Variants in PLCL2 observed in about 807,000 individuals in gnomAD.
PLCL2 encodes inactive phospholipase C-like protein 2.
PLCL2 carries 4 observed loss-of-function variants against 79.6 expected under a neutral mutation model. That is an observed-to-expected ratio of 0.05 (90% CI 0.02 to 0.11). The LOEUF is 0.11. PLCL2 is among the 10% of genes least tolerant of loss of function. The pLI is 1.00. For missense variants in PLCL2, 895 were observed against 1,291.0 expected, an observed-to-expected ratio of 0.69 and a Z score of 4.70; for synonymous variants, 484 against 457.7, an observed-to-expected ratio of 1.06 and a Z score of -0.73.
chr3:17,065,781 CTT>C (rs1233676017), intron 4 of PLCL2, among the ~76,000 whole-genome samples: 4 of 152,178 alleles, frequency 2.6e-5, no homozygotes, highest in Non-Finnish European at 5.9e-5. Context: ...CTCCCAGTTT[CTT>C]TTCCTGTTCA....
In PLCL2 at chr3:16,992,475, C is replaced by G. The variant is rs1182852497; in HGVS notation, c.328-17199C>G. ...AATAACCCCCATTTGCATCTCTTCC[C>G]CATTTGTGGGCTATACAGGCATTGT... is the stretch of plus-strand genomic sequence containing the variant. On this transcript the variant is annotated intron_variant, in intron 1 of 5. Transcript: ENST00000615277. Among the ~76,000 whole-genome samples, 7 of 152,220 alleles carry G rather than the reference C, an allele frequency of 4.6e-5. No homozygotes were observed. The East Asian group carries it at 1.3e-3, about 29-fold the overall frequency.
At chr3:17,037,548 C>T (rs1397514298) in intron 3 of PLCL2, among the ~76,000 whole-genome samples, 1 of 152,098 alleles carries the variant, frequency 6.6e-6, no homozygotes, top group Non-Finnish European at 1.5e-5. Flanking sequence ...GAAACAGCTA[C>T]AACAGAAGAT....
chr3:17,089,649 A>G (rs1164307457), intron 5 of PLCL2, 84 bp from the exon 6 acceptor site: 6 of 818,230 alleles, frequency 7.3e-6, no homozygotes, highest in Admixed American at 2.4e-5. Context: ...GAATACTTCT[A>G]TTTCAGTGAA....
rs558431722 is a variant in PLCL2, at chr3:16,913,779, A to G, written c.327+28413A>G. Among the ~76,000 whole-genome samples the G allele has an allele frequency of 1.6e-4, 25 of 152,290 alleles. 1 individual carries two copies. The South Asian group carries it at 5.2e-3, about 32-fold the overall frequency. On this transcript the variant is annotated intron_variant, in intron 1 of 5. Coordinates refer to ENST00000615277, the MANE Select transcript of PLCL2 (RefSeq NM_001144382.2). ...GTATTGCTAAAAAGATCTTCATAATAATTTTGAATAGAACACTGGGGGTGC... is the reference window on the plus strand; with the variant it reads ...GTATTGCTAAAAAGATCTTCATAATGATTTTGAATAGAACACTGGGGGTGC...
At chr3:16,935,073 G>C (rs1268765774) in intron 1 of PLCL2, among the ~76,000 whole-genome samples, 1 of 152,194 alleles carries the variant, frequency 6.6e-6, no homozygotes, top group Admixed American at 6.5e-5. Context: ...GCCTCACTGA[G>C]TATTATCGCT....
intron 1 of PLCL2, among the ~76,000 whole-genome samples, chr3:16,948,812 G>T (rs2063624597): frequency 6.6e-6 from 1 of 152,126 alleles, no homozygotes; most frequent in African/African-American, 2.4e-5. Context: ...CAAATGTACT[G>T]AGAATTTTTA....
chr3:16,989,113 C>T (rs2064079799), intron 1 of PLCL2, among the ~76,000 whole-genome samples: 1 of 152,008 alleles, frequency 6.6e-6, no homozygotes, highest in Non-Finnish European at 1.5e-5. Flanking sequence ...GGATTTTTAG[C>T]AATTATGTTC....
chr3:16,948,662 T>C (rs1440650920), intron 1 of PLCL2, among the ~76,000 whole-genome samples: 1 of 152,220 alleles, frequency 6.6e-6, no homozygotes, highest in Non-Finnish European at 1.5e-5. Context: ...CAGTGAGTAC[T>C]TGAATTTACT....
At chr3:16,974,165 G>T (rs566622932) in intron 1 of PLCL2, among the ~76,000 whole-genome samples, 220 of 152,304 alleles carry the variant, frequency 1.4e-3, no homozygotes, top group African/African-American at 4.6e-3. Context: ...GTAGGGGCCA[G>T]TCCTTGCAGG....
At chr3:16,946,393 G>A (rs1337628561) in intron 1 of PLCL2, among the ~76,000 whole-genome samples, 1 of 151,610 alleles carries the variant, frequency 6.6e-6, no homozygotes, top group Non-Finnish European at 1.5e-5. Context: ...GGATCAAAAT[G>A]AAAGCTTTAA....
At chr3:16,924,512 C>T (rs1282401035) in intron 1 of PLCL2, among the ~76,000 whole-genome samples, 2 of 152,234 alleles carry the variant, frequency 1.3e-5, no homozygotes, top group South Asian at 2.1e-4. Context: ...CAGTTTACAA[C>T]TCTGTCTTAG....
intron 3 of PLCL2, among the ~76,000 whole-genome samples, chr3:17,030,492 C>T (rs2064568962): frequency 6.6e-6 from 1 of 152,146 alleles, no homozygotes; most frequent in African/African-American, 2.4e-5. Flanking sequence ...ATGATTACTC[C>T]ATTTCATAAA....
chr3:16,970,552 T>C (rs1406475884), intron 1 of PLCL2, among the ~76,000 whole-genome samples: 2 of 149,248 alleles, frequency 1.3e-5, no homozygotes, highest in Non-Finnish European at 3.0e-5. Flanking sequence ...AGCAGCATGA[T>C]TTATAGTCCT....
At chr3:16,999,328 T>C (rs2125001281) in intron 1 of PLCL2, among the ~76,000 whole-genome samples, 1 of 152,282 alleles carries the variant, frequency 6.6e-6, no homozygotes, top group Middle Eastern at 3.4e-3. Flanking sequence ...GTTTCTTCTG[T>C]GATAGGATTA....
intron 1 of PLCL2, among the ~76,000 whole-genome samples, chr3:16,914,277 G>A (rs1416944199): frequency 3.3e-5 from 5 of 152,178 alleles, no homozygotes; most frequent in African/African-American, 1.2e-4. Flanking sequence ...TATATGTGGA[G>A]AAATATATAG....
chr3:16,904,245 G>C (rs1348297024), intron 1 of PLCL2, among the ~76,000 whole-genome samples: 1 of 148,418 alleles, frequency 6.7e-6, no homozygotes, highest in African/African-American at 2.5e-5. Context: ...CCGCACAGTT[G>C]TCAATTTGGC....
intron 1 of PLCL2, among the ~76,000 whole-genome samples, chr3:16,990,985 T>C (rs2124995557): frequency 6.6e-6 from 1 of 152,262 alleles, no homozygotes; most frequent in South Asian, 2.1e-4. Flanking sequence ...GATGGGGCTT[T>C]GGGAACTCAG....
Position 17,004,484 on chromosome 3 carries a change from G to T in PLCL2, c.328-5190G>T, listed in dbSNP as rs79825299. ...ATAAAGGGCCTTTCCACATGAGCAA[G>T]AAGCAGCATTTAACTGTACCTAGCT... is the stretch of plus-strand genomic sequence containing the variant. On this transcript the variant is annotated intron_variant, in intron 1 of 5. Coordinates refer to ENST00000615277, the MANE Select transcript of PLCL2 (RefSeq NM_001144382.2). 1.0e-2 allele frequency among the ~76,000 whole-genome samples: 1,516 copies of T among 152,242 alleles called. 28 individuals carry two copies. The highest frequency in any genetic ancestry group is 0.034 in the African/African-American group (1,404 of 41,536).
At chr3:16,942,036 A>G (rs1477960231) in intron 1 of PLCL2, among the ~76,000 whole-genome samples, 3 of 152,238 alleles carry the variant, frequency 2.0e-5, no homozygotes, top group African/African-American at 7.2e-5. Flanking sequence ...GGAATCTGCT[A>G]ATTCTTGAAA....
Sources: allele counts gnomAD v4.1 joint callset (sites outside exome capture counted in the v4.1 genomes callset), GRCh38; gene constraint gnomAD v4.1.1; transcripts MANE v1.5; gene names NCBI Gene and HGNC (gene_info 2026-07-23, HGNC 2026-07-21).